The following ACAP2 variants were observed in gnomAD, a reference collection of about 807,000 sequenced individuals.
The protein encoded by ACAP2 is ArfGAP with coiled-coil, ankyrin repeat and PH domains 2, also known as arf-GAP with coiled-coil, ANK repeat and PH domain-containing protein 2.
A neutral mutation model predicts 115.8 loss-of-function variants in ACAP2; 39 were observed. The observed-to-expected ratio is 0.34, with a 90% CI of 0.26 to 0.44. The LOEUF is 0.44. Among genes scored for constraint, ACAP2 ranks in the 20% least tolerant of loss-of-function variants. The pLI, the probability that ACAP2 is intolerant of heterozygous loss-of-function variation, is 1.00. For missense variants in ACAP2, 662 were observed against 927.6 expected (o/e 0.71, Z 3.72); for synonymous variants, 289 against 315.8 (o/e 0.92, Z 0.90).
chr3:195,336,999 A>T, intron 6 of ACAP2, 23 bp from the exon 7 acceptor site: 2 of 1,603,358 alleles, frequency 1.2e-6, no homozygotes, highest in Non-Finnish European at 1.7e-6. Context: ...ACACGTGGTT[A>T]ATCACCCATG....
chr3:195,421,977 T>C (rs766782898), intron 1 of ACAP2, among the ~76,000 whole-genome samples: 2 of 152,208 alleles, frequency 1.3e-5, no homozygotes, highest in Admixed American at 1.3e-4. Flanking sequence ...AGAACATTTC[T>C]GCTATTCTGT....
chr3:195,302,278 G>T, intron 13 of ACAP2, 104 bp from the exon 14 acceptor site: 1 of 1,032,954 alleles, frequency 9.7e-7, no homozygotes, highest in Non-Finnish European at 1.4e-6. Context: ...TAAATTAAAG[G>T]CCTGTTACAG....
chr3:195,404,183 A>G (rs897312015), intron 1 of ACAP2, among the ~76,000 whole-genome samples: 5 of 152,174 alleles, frequency 3.3e-5, no homozygotes, highest in African/African-American at 9.7e-5. Context: ...ATAAAATAAG[A>G]AGAAAACCAA....
intron 1 of ACAP2, among the ~76,000 whole-genome samples, chr3:195,424,281 ATATTTTTTTTTTTTTTTTTTT>A (rs1158512480): frequency 0.012 from 575 of 49,392 alleles, 12 homozygotes; most frequent in South Asian, 0.029. Context: ...ATATATATAT[ATATTTTTTTTTTTTTTTTTTT>A]TTTTTTTTTT....
intron 2 of ACAP2, 146 bp downstream of exon 2, chr3:195,391,944 G>A (rs896733350): frequency 9.9e-6 from 6 of 603,310 alleles, no homozygotes; most frequent in Non-Finnish European, 1.8e-5. Flanking sequence ...GCAGTGAGCT[G>A]AGATCATGCC....
At position 195,332,959 on chromosome 3, in the gene ACAP2, T is replaced by G. The variant is rs9880383; in HGVS notation, c.669+69A>C. 2.4e-3 allele frequency: 2,863 copies of G among 1,181,632 alleles called. 58 individuals carry two copies. In the African/African-American group the frequency reaches 0.04, roughly 16 times the overall value. The allele number at this position is 1,181,632 out of a possible 1,614,324, so 73.2% of individuals were successfully genotyped here. On this transcript the variant is annotated intron_variant, in intron 8 of 22. Transcript: ENST00000326793. ...AGAACAAACTAGTACACCTCCAATA[T>G]GCTAAATTTCTTTAAAAATACAAAT...
At chr3:195,294,607 AAT>A (rs1491584583) in intron 18 of ACAP2, 110 bp downstream of exon 18, 1,146 of 57,936 alleles carry the variant, frequency 0.02, 26 homozygotes, top group African/African-American at 0.062. Context: ...AAAAAAAAAA[AAT>A]TATATATATA....
intron 4 of ACAP2, among the ~76,000 whole-genome samples, chr3:195,376,821 T>C (rs1431616667): frequency 6.6e-6 from 1 of 152,214 alleles, no homozygotes; most frequent in Non-Finnish European, 1.5e-5. Context: ...CAGACTTTTA[T>C]CCTTACACAA....
intron 8 of ACAP2, among the ~76,000 whole-genome samples, chr3:195,330,348 C>T (rs1730086179): frequency 6.6e-6 from 1 of 152,180 alleles, no homozygotes; most frequent in Non-Finnish European, 1.5e-5. Flanking sequence ...CCACTAGGCA[C>T]TATAGGCTCT....
chr3:195,349,457 G>A (rs1731399340), intron 4 of ACAP2, among the ~76,000 whole-genome samples: 1 of 152,064 alleles, frequency 6.6e-6, no homozygotes, highest in Admixed American at 6.6e-5. Context: ...CCTCCAGCCT[G>A]AGCAACAGGA....
chr3:195,352,786 C>T (rs1046086482), intron 4 of ACAP2, among the ~76,000 whole-genome samples: 4 of 152,076 alleles, frequency 2.6e-5, no homozygotes, highest in African/African-American at 9.7e-5. Flanking sequence ...CTGCTGAGAC[C>T]AGGTTATAAA....
intron 22 of ACAP2, among the ~76,000 whole-genome samples, chr3:195,279,966 G>C (rs929821869): frequency 5.3e-5 from 8 of 151,948 alleles, no homozygotes; most frequent in African/African-American, 1.9e-4. Flanking sequence ...AAACTTTAAT[G>C]CGTAATTAAA....
chr3:195,375,487 A>G (rs1443751452), intron 4 of ACAP2, among the ~76,000 whole-genome samples: 6 of 140,866 alleles, frequency 4.3e-5, no homozygotes, highest in Admixed American at 2.8e-4. Flanking sequence ...GTACAGCTCT[A>G]AATTGAAAAA....
intron 17 of ACAP2, 97 bp downstream of exon 17, chr3:195,295,611 C>T: frequency 7.6e-7 from 1 of 1,312,490 alleles, no homozygotes; most frequent in Non-Finnish European, 1.1e-6. Context: ...AGGTTTTTAA[C>T]ATTAAAAAAA....
At chr3:195,408,750 C>T (rs920916887) in intron 1 of ACAP2, among the ~76,000 whole-genome samples, 1 of 152,034 alleles carries the variant, frequency 6.6e-6, no homozygotes, top group Admixed American at 6.5e-5. Context: ...GATTATACAC[C>T]ATGACCTAGT....
intron 10 of ACAP2, among the ~76,000 whole-genome samples, chr3:195,310,340 G>C (rs79922565): frequency 0.022 from 3,290 of 152,252 alleles, 117 homozygotes; most frequent in East Asian, 0.1. Flanking sequence ...TCAAGAGGTA[G>C]GCTAGAAAAG....
chr3:195,442,249 G>C (rs1381452470), intron 1 of ACAP2: 1 of 153,222 alleles, frequency 6.5e-6, no homozygotes, highest in East Asian at 1.9e-4. Context: ...TCTGGCCGGG[G>C]GCACCGCGAA....
rs1726796726 is a variant in ACAP2 at position 195,285,662 on chromosome 3, C to T, written c.2236+134G>A. Reference sequence around the variant, plus strand: ...TACAAAGCTAACAACTCACAATTTACAAGTGGGTTATAAAAACTCTATAGT... The same window carrying T: ...TACAAAGCTAACAACTCACAATTTATAAGTGGGTTATAAAAACTCTATAGT... On this transcript the variant is annotated intron_variant, in intron 22 of 22. Coordinates refer to ENST00000326793, the MANE Select transcript of ACAP2 (RefSeq NM_012287.6). 1.6e-5 allele frequency: 11 copies of T among 706,074 alleles called. No individual in the cohort carries two copies. The East Asian group carries it at 2.7e-4, about 18-fold the overall frequency. 43.7% of individuals were successfully genotyped at this position (706,074 alleles called of 1,614,324 possible). A position where few individuals can be genotyped will look rare whatever the true frequency, so the allele number is the denominator to read the frequency against.
At chr3:195,383,470 G>A (rs1047501216) in intron 2 of ACAP2, among the ~76,000 whole-genome samples, 10 of 151,668 alleles carry the variant, frequency 6.6e-5, no homozygotes, top group Non-Finnish European at 1.2e-4. Flanking sequence ...TCATCTGAAG[G>A]GGATAAAAAA....
Sources: gnomAD v4.1 joint callset for allele counts (sites outside exome capture counted in the v4.1 genomes callset) on GRCh38, gnomAD v4.1.1 for gene constraint, MANE v1.5 for transcripts, NCBI Gene and HGNC (gene_info 2026-07-23, HGNC 2026-07-21) for gene names.